The following TPRG1 variants were observed in gnomAD, a reference collection of about 807,000 sequenced individuals.
The protein encoded by TPRG1 is tumor protein p63-regulated gene 1 protein.
A neutral mutation model predicts 29.3 loss-of-function variants in TPRG1; 29 were observed. The ratio of observed to expected loss-of-function variants is 0.99; its 90% CI spans 0.74 to 1.35. The LOEUF (loss-of-function observed/expected upper bound fraction) is 1.35, where lower values mean the gene tolerates loss of function less well. Ranked by LOEUF, TPRG1 falls within the 40% of genes most tolerant of loss-of-function variation. The pLI is 0.00. For missense variants in TPRG1, 327 were observed against 335.0 expected, an observed-to-expected ratio of 0.98 and a Z score of 0.19; for synonymous variants, 130 against 116.8, an observed-to-expected ratio of 1.11 and a Z score of -0.73.
intron 4 of TPRG1, among the ~76,000 whole-genome samples, chr3:189,275,296 T>C (rs1227278981): frequency 6.6e-6 from 1 of 152,172 alleles, no homozygotes; most frequent in Non-Finnish European, 1.5e-5. Flanking sequence ...TTTAGTCATA[T>C]AGAGCCAAGC....
intron 3 of TPRG1, among the ~76,000 whole-genome samples, chr3:189,019,298 C>T (rs1219181161): frequency 6.6e-6 from 1 of 152,104 alleles, no homozygotes; most frequent in African/African-American, 2.4e-5. Context: ...GAGGGCATCC[C>T]TGTCTTGTGC....
chr3:189,264,486 T>C (rs1446304102), intron 4 of TPRG1, among the ~76,000 whole-genome samples: 2 of 152,224 alleles, frequency 1.3e-5, no homozygotes, highest in Non-Finnish European at 2.9e-5. Context: ...TCCTACTCTT[T>C]TCCTTAGTTC....
At chr3:189,182,782 T>G (rs1002191001) in intron 1 of TPRG1, among the ~76,000 whole-genome samples, 3 of 151,282 alleles carry the variant, frequency 2.0e-5, no homozygotes, top group Non-Finnish European at 4.5e-5. Context: ...TAGGAATTTA[T>G]TTATTTATTT....
intron 4 of TPRG1, among the ~76,000 whole-genome samples, chr3:189,264,882 G>A (rs1713785247): frequency 6.6e-6 from 1 of 152,022 alleles, no homozygotes; most frequent in Non-Finnish European, 1.5e-5. Context: ...AAATATTTCT[G>A]CAATTCATAA....
chr3:189,079,238 C>A (rs777769164), intron 4 of TPRG1, among the ~76,000 whole-genome samples: 3 of 152,136 alleles, frequency 2.0e-5, no homozygotes, highest in African/African-American at 4.8e-5. Flanking sequence ...GGGAGGCAAG[C>A]CATTCATGAG....
At chr3:189,206,044 CT>C (rs1560549853) in intron 1 of TPRG1, among the ~76,000 whole-genome samples, 2 of 149,152 alleles carry the variant, frequency 1.3e-5, no homozygotes, top group African/African-American at 4.9e-5. Context: ...TCCTTCCTTC[CT>C]TTCTTCTGTC....
intron 1 of TPRG1, among the ~76,000 whole-genome samples, chr3:189,180,762 TG>T (rs1477522396): frequency 1.3e-5 from 2 of 152,170 alleles, no homozygotes; most frequent in Non-Finnish European, 2.9e-5. Flanking sequence ...TTCTGGGGTC[TG>T]GGGGAGTGAC....
intron 3 of TPRG1, among the ~76,000 whole-genome samples, chr3:189,020,653 A>G (rs1230807739): frequency 4.2e-5 from 6 of 143,802 alleles, no homozygotes; most frequent in African/African-American, 7.8e-5. Flanking sequence ...ACTTCCAAGT[A>G]TGTGGTCAAT....
At chr3:189,302,560 C>T (rs576617909) in intron 4 of TPRG1, among the ~76,000 whole-genome samples, 94 of 152,312 alleles carry the variant, frequency 6.2e-4, no homozygotes, top group Non-Finnish European at 1.2e-3. Context: ...TCATGTCATC[C>T]TCATCAGTGG....
chr3:189,086,182 T>C (rs1349460419), intron 4 of TPRG1, among the ~76,000 whole-genome samples: 1 of 151,986 alleles, frequency 6.6e-6, no homozygotes, highest in East Asian at 1.9e-4. Context: ...GAGTCTGATG[T>C]TCAAGGGCAA....
At chr3:189,051,163 A>G (rs1560415220) in intron 4 of TPRG1, among the ~76,000 whole-genome samples, 2 of 152,186 alleles carry the variant, frequency 1.3e-5, no homozygotes, top group Non-Finnish European at 2.9e-5. Flanking sequence ...TGCTGACGAT[A>G]TTTATCATTT....
At chr3:189,249,956 C>T (rs1741905661) in intron 4 of TPRG1, among the ~76,000 whole-genome samples, 1 of 152,136 alleles carries the variant, frequency 6.6e-6, no homozygotes, top group Admixed American at 6.6e-5. Context: ...CATTAAATCT[C>T]CTTCTAAAAG....
At chr3:189,252,085 T>C (rs2109004804) in intron 4 of TPRG1, among the ~76,000 whole-genome samples, 1 of 152,254 alleles carries the variant, frequency 6.6e-6, no homozygotes, top group African/African-American at 2.4e-5. Flanking sequence ...TAGGGAGTGG[T>C]GATGACTCTT....
chr3:189,018,106 G>C (rs915874476), intron 3 of TPRG1, among the ~76,000 whole-genome samples: 5 of 152,220 alleles, frequency 3.3e-5, no homozygotes, highest in Non-Finnish European at 2.9e-5. Flanking sequence ...ATTTGTTGAA[G>C]TTCTTTGTAG....
rs940846153 is a variant in TPRG1 at position 189,020,500 on chromosome 3, T to C, written c.-659-3250T>C. Among the ~76,000 whole-genome samples, 30 of 151,626 alleles carry C rather than the reference T, an allele frequency of 2.0e-4. No homozygotes were observed. The South Asian group carries it at 4.4e-3, about 22-fold the overall frequency. On this transcript the variant is annotated intron_variant, in intron 3 of 10. Transcript: ENST00000433971. ...CATTTCGTTATGTACCCAGTAGTCA[T>C]TCAGGAGCAGGTTGTTCAGTTTCCA...
chr3:189,125,003 C>T (rs956557641), intron 1 of TPRG1, among the ~76,000 whole-genome samples: 2 of 152,122 alleles, frequency 1.3e-5, no homozygotes, highest in African/African-American at 4.8e-5. Flanking sequence ...TCTGTTCTAC[C>T]TTCAATTTAG....
chr3:189,240,879 C>T (rs1740463051), intron 4 of TPRG1, among the ~76,000 whole-genome samples: 1 of 152,120 alleles, frequency 6.6e-6, no homozygotes, highest in Non-Finnish European at 1.5e-5. Context: ...ACTGTCCTGC[C>T]TCATGCTATA....
intron 4 of TPRG1, among the ~76,000 whole-genome samples, chr3:189,299,959 T>C (rs958837706): frequency 6.6e-6 from 1 of 152,186 alleles, no homozygotes; most frequent in Non-Finnish European, 1.5e-5. Flanking sequence ...CTGAATTTGG[T>C]AGGCAACTGG....
chr3:189,281,268 A>G (rs1199435033), intron 4 of TPRG1, among the ~76,000 whole-genome samples: 1 of 152,192 alleles, frequency 6.6e-6, no homozygotes, highest in Non-Finnish European at 1.5e-5. Flanking sequence ...ATGTGCTCCT[A>G]ACCACTGAGC....
Sources: allele counts gnomAD v4.1 joint callset (sites outside exome capture counted in the v4.1 genomes callset), GRCh38; gene constraint gnomAD v4.1.1; transcripts MANE v1.5; gene names NCBI Gene and HGNC (gene_info 2026-07-23, HGNC 2026-07-21).